The following PIAS3 variants were observed in gnomAD, a reference collection of about 807,000 sequenced individuals.
PIAS3 encodes protein inhibitor of activated STAT 3.
In PIAS3, 34 loss-of-function variants were observed where a neutral mutation model predicts 67.6. That is an observed-to-expected ratio of 0.50 (90% CI 0.38 to 0.67). PIAS3 has a LOEUF of 0.67. PIAS3 is among the 30% of genes least tolerant of loss of function. PIAS3 has a pLI of 0.00. For missense variants in PIAS3, 693 were observed against 791.6 expected (o/e 0.88, Z 1.49); for synonymous variants, 341 against 313.8 (o/e 1.09, Z -0.92).
Position 145,850,790 on chromosome 1 carries a change from C to CAGAA in PIAS3, c.1428_1429insTTCT (p.Ala477PhefsTer40). 1 of 1,614,228 alleles carries CAGAA rather than the reference C, an allele frequency of 6.2e-7. No homozygotes were observed. Among genetic ancestry groups the CAGAA allele is most frequent in the Admixed American group, 1.7e-5 (1 of 60,028 alleles). On this transcript the variant is annotated frameshift_variant, in exon 11 of 14. Transcript: ENST00000393045. LOFTEE classifies it high-confidence loss of function. ...TCATACCCTTTGCTTCCAGGTAGGGCCGGGATGGCAGCTGAGGTGACAGAA... is the reference window on the plus strand; with the variant it reads ...TCATACCCTTTGCTTCCAGGTAGGGCAGAACGGGATGGCAGCTGAGGTGACAGAA...
In PIAS3 at chr1:145,854,747, C is replaced by T. The variant is rs782084511; in HGVS notation, c.803G>A (p.Arg268Gln). The T allele has an allele frequency of 5.0e-6, 8 of 1,614,178 alleles. No homozygotes were observed. Among genetic ancestry groups the T allele is most frequent in the South Asian group, 4.4e-5 (4 of 91,072 alleles). Reference sequence around the variant, plus strand: ...GGCACCTGCTTTAGCTGTGCTCACCCGTCCGAACTCAGATGACCAATTGAC... The same window carrying T: ...GGCACCTGCTTTAGCTGTGCTCACCTGTCCGAACTCAGATGACCAATTGAC... ...IVVNWSSEFG[R>Q]NYSLSVYLVR... Residue 268 changes from arginine (R) to glutamine (Q), a missense_variant and splice_region_variant, in exon 6 of 14, where the codon CGG becomes CAG. By Grantham distance (43) the Arg-to-Gln change is conservative. Around this residue, in one of 3 missense-constraint regions of PIAS3, gnomAD observed 308 missense variants for 348.8 expected, o/e 0.88. Transcript: ENST00000393045.
At chr1:145,854,013 G>A (rs1653063551) in intron 7 of PIAS3, 127 bp from the exon 8 acceptor site, 1 of 720,228 alleles carries the variant, frequency 1.4e-6, no homozygotes. Flanking sequence ...GGGGCCAGTG[G>A]GACGTCACAT....
At position 145,855,713 on chromosome 1, in the gene PIAS3, CAGA is replaced by C; in HGVS notation, c.669+20_669+22del. ...AACTGAAACGGTAAGGGATTACTGACAGAAGAAGGGGAGAGCATTTACCGGCAG... is the reference window on the plus strand; with the variant it reads ...AACTGAAACGGTAAGGGATTACTGACAGAAGGGGAGAGCATTTACCGGCAG... On this transcript the variant is annotated intron_variant, in intron 5 of 13. Transcript: ENST00000393045. 1.6e-6 allele frequency: 2 copies of C among 1,262,932 alleles called. No individual in the cohort carries two copies. Among genetic ancestry groups the C allele is most frequent in the Non-Finnish European group, 2.3e-6 (2 of 879,138 alleles). 78.2% of individuals were successfully genotyped at this position (1,262,932 alleles called of 1,614,324 possible). A position where few individuals can be genotyped will look rare whatever the true frequency, so the allele number is the denominator to read the frequency against.
intron 12 of PIAS3, 79 bp from the exon 13 acceptor site, chr1:145,850,348 G>A: frequency 6.2e-7 from 1 of 1,612,272 alleles, no homozygotes; most frequent in Non-Finnish European, 8.5e-7. Context: ...GTGGACTGTG[G>A]CCCCTTGCAG....
chr1:145,853,271 A>G (rs148796402), intron 9 of PIAS3, among the ~76,000 whole-genome samples: 1 of 151,912 alleles, frequency 6.6e-6, no homozygotes. Flanking sequence ...TTAGCCAGGC[A>G]TGGTGGTGGG....
At chr1:145,851,694 C>T (rs1164615889) in intron 9 of PIAS3, among the ~76,000 whole-genome samples, 4 of 149,214 alleles carry the variant, frequency 2.7e-5, no homozygotes, top group South Asian at 4.2e-4. Context: ...TGGTGGCTCA[C>T]GCCTATAATC....
intron 7 of PIAS3, 116 bp from the exon 8 acceptor site, chr1:145,854,002 G>A (rs1159755115): frequency 9.0e-6 from 7 of 776,078 alleles, no homozygotes; most frequent in Non-Finnish European, 1.5e-5. Context: ...GAGCGTCTTT[G>A]GGGGCCAGTG....
Position 145,849,669 on chromosome 1 carries a change from G to A in PIAS3, c.1664C>T (p.Ala555Val), listed in dbSNP as rs782295602. 2 of 1,612,262 alleles carry A rather than the reference G, an allele frequency of 1.2e-6. No individual in the cohort carries two copies. The highest frequency in any genetic ancestry group is 2.2e-5 in the East Asian group (1 of 44,728). Residue 555 changes from alanine (A) to valine (V), a missense_variant, in exon 14 of 14, where the codon GCC becomes GTC. Around this residue, in one of 3 missense-constraint regions of PIAS3, gnomAD observed 270 missense variants for 261.0 expected, o/e 1.03. Transcript: ENST00000393045. The part of the protein sequence containing the change: ...SVITSLDEQD[A>V]LGHFFQYRGT... ...TCGGTACTGGAAGAAGTGGCCAAGGGCATCCTGTTCATCTAGTGAGGTGAT... is the reference window on the plus strand; with the variant it reads ...TCGGTACTGGAAGAAGTGGCCAAGGACATCCTGTTCATCTAGTGAGGTGAT...
chr1:145,858,952 G>T lies in PIAS3; in HGVS notation c.24+15C>A. 6.6e-7 allele frequency: 1 copy of T among 1,523,874 alleles called. No individual in the cohort carries two copies. Among genetic ancestry groups the T allele is most frequent in the Non-Finnish European group, 8.8e-7 (1 of 1,137,134 alleles). 94.4% of individuals were successfully genotyped at this position (1,523,874 alleles called of 1,614,324 possible). A position where few individuals can be genotyped will look rare whatever the true frequency, so the allele number is the denominator to read the frequency against. On this transcript the variant is annotated intron_variant, in intron 1 of 13. Coordinates refer to ENST00000393045, the MANE Select transcript of PIAS3 (RefSeq NM_006099.3). ...GGGCTGAGTCCAGATGGGGATGGGG[G>T]GAGGGGGCCGGTACCTTTAATTCGC...
intron 5 of PIAS3, among the ~76,000 whole-genome samples, 158 bp downstream of exon 5, chr1:145,855,578 T>A (rs1559164700): frequency 1.3e-5 from 2 of 152,248 alleles, no homozygotes; most frequent in Admixed American, 6.5e-5. Flanking sequence ...AGCCCTATCT[T>A]AATACTCTCG....
Position 145,849,651 on chromosome 1 carries a change from T to C in PIAS3, c.1682A>G (p.Gln561Arg). 1.2e-6 allele frequency: 2 copies of C among 1,612,896 alleles called. No homozygotes were observed. Among genetic ancestry groups the C allele is most frequent in the Non-Finnish European group, 1.7e-6 (2 of 1,179,484 alleles). The stretch of plus-strand genomic sequence containing the variant: ...AAAGTGAGAAGGGGTCCCTCGGTAC[T>C]GGAAGAAGTGGCCAAGGGCATCCTG... ...DEQDALGHFF[Q>R]YRGTPSHFLG... The change falls in exon 14 of 14, where the codon CAG becomes CGG. Residue 561 changes from glutamine (Q) to arginine (R), a missense_variant. Gln to Arg is a conservative substitution (Grantham distance 43). Coordinates refer to ENST00000393045, the MANE Select transcript of PIAS3 (RefSeq NM_006099.3).
Position 145,853,610 on chromosome 1 carries a change from G to A in PIAS3, c.1039C>T (p.Gln347Ter). Residue 347 changes from glutamine to a stop codon, truncating the protein, a stop_gained, in exon 9 of 14, where the codon CAG becomes TAG. Transcript: ENST00000393045. LOFTEE classifies it high-confidence loss of function. Reference protein sequence around the residue: ...PCRALTCAHLQSFDAALYLQM... With the variant: ...PCRALTCAHL ...AGATAAAGGGCAGCATCGAAGCTCTGCAGGTGGGCGCAGGTGAGGGCACGA... is the reference window on the plus strand; with the variant it reads ...AGATAAAGGGCAGCATCGAAGCTCTACAGGTGGGCGCAGGTGAGGGCACGA... 6.2e-7 allele frequency: 1 copy of A among 1,614,010 alleles called. No individual in the cohort carries two copies. Among genetic ancestry groups the A allele is most frequent in the Non-Finnish European group, 8.5e-7 (1 of 1,179,972 alleles).
At position 145,856,357 on chromosome 1, in the gene PIAS3, G is replaced by T. The variant is rs1553735606; in HGVS notation, c.517C>A (p.Leu173Ile). 1.2e-6 allele frequency: 2 copies of T among 1,613,464 alleles called. No individual in the cohort carries two copies. Among genetic ancestry groups the T allele is most frequent in the Admixed American group, 1.7e-5 (1 of 60,026 alleles). The change falls in exon 3 of 14, where the codon CTT becomes ATT. Residue 173 changes from leucine to isoleucine, a missense_variant. By Grantham distance (5) the Leu-to-Ile change is conservative (BLOSUM62 2). Around this residue, in one of 3 missense-constraint regions of PIAS3, gnomAD observed 308 missense variants for 348.8 expected, o/e 0.88. Coordinates refer to ENST00000393045, the MANE Select transcript of PIAS3 (RefSeq NM_006099.3). ...CTGGAAGAGATGTACCTGGATGTAA[G>T]AATCTGCTGCACTTGCTGGGGTGTG... ...ALTPQQVQQI[L>I]TSREVLPGAK... is the part of the protein sequence containing the mutation.
Position 145,849,205 on chromosome 1 carries a change from A to C in PIAS3, c.*241T>G. 3 of 357,390 alleles carry C rather than the reference A, an allele frequency of 8.4e-6. No individual in the cohort carries two copies. The highest frequency in any genetic ancestry group is 2.1e-5 in the African/African-American group (1 of 47,876). The allele number at this position is 357,390 out of a possible 1,614,324, so 22.1% of individuals were successfully genotyped here. A position where few individuals can be genotyped will look rare whatever the true frequency, so the allele number is the denominator to read the frequency against. ...TGCCTAGGTTAACATACCCAAAGGA[A>C]TGTGCCACCATCTAAAGAACATTTC... On this transcript the variant is annotated 3_prime_UTR_variant, in exon 14 of 14. Transcript: ENST00000393045.
chr1:145,850,591 G>T lies in PIAS3; in HGVS notation c.1449-5C>A, dbSNP rs1302882775. ...TGGTGGCCAGATGTCAGGACTCTGT[G>T]GGTAGAGAGGAGCTGAGGCAGCCAG... On this transcript the variant is annotated splice_region_variant and splice_polypyrimidine_tract_variant and intron_variant, in intron 11 of 13. Coordinates refer to ENST00000393045, the MANE Select transcript of PIAS3 (RefSeq NM_006099.3). The T allele has an allele frequency of 3.1e-6, 5 of 1,612,794 alleles. No individual in the cohort carries two copies. Among genetic ancestry groups the T allele is most frequent in the Non-Finnish European group, 3.4e-6 (4 of 1,179,032 alleles).
intron 3 of PIAS3, 45 bp downstream of exon 3, chr1:145,856,302 A>G: frequency 6.6e-7 from 1 of 1,517,948 alleles, no homozygotes. Context: ...AGAAAGTCAG[A>G]AAGCAGAGAC....
chr1:145,855,715 G>A, intron 5 of PIAS3, 21 bp downstream of exon 5: 1 of 1,297,208 alleles, frequency 7.7e-7, no homozygotes, highest in African/African-American at 1.5e-5. Context: ...ATTACTGACA[G>A]AAGAAGGGGA....
chr1:145,852,335 A>C (rs1652995231), intron 9 of PIAS3, among the ~76,000 whole-genome samples: 1 of 152,198 alleles, frequency 6.6e-6, no homozygotes, highest in Admixed American at 6.5e-5. Context: ...AGAGGTTAAG[A>C]CTAGCAAGAT....
intron 12 of PIAS3, 40 bp downstream of exon 12, chr1:145,850,413 G>A: frequency 6.2e-7 from 1 of 1,612,552 alleles, no homozygotes; most frequent in Non-Finnish European, 8.5e-7. Flanking sequence ...TCTGGGGAGG[G>A]TGTGGCAGTG....
Sources: allele counts gnomAD v4.1 joint callset (sites outside exome capture counted in the v4.1 genomes callset), GRCh38; gene constraint gnomAD v4.1.1; regional missense constraint gnomAD v4.1.1; transcripts MANE v1.5; gene names NCBI Gene and HGNC (gene_info 2026-07-23, HGNC 2026-07-21).